PATJ: variants seen among roughly 807,000 people sequenced by gnomAD.
PATJ encodes PATJ crumbs cell polarity complex component, also known as inaD-like protein.
A neutral mutation model predicts 224.9 loss-of-function variants in PATJ; 190 were observed. The ratio of observed to expected loss-of-function variants is 0.84; its 90% CI spans 0.75 to 0.95. The LOEUF is 0.95. Among genes scored for constraint, PATJ ranks in the 40% least tolerant of loss-of-function variants. The pLI is 0.00. For missense variants in PATJ, 2,121 were observed against 2,270.3 expected (o/e 0.93, Z 1.34); for synonymous variants, 769 against 820.3 (o/e 0.94, Z 1.07).
intron 33 of PATJ, among the ~76,000 whole-genome samples, chr1:62,107,730 T>C (rs1663276922): frequency 6.6e-6 from 1 of 152,200 alleles, no homozygotes; most frequent in African/African-American, 2.4e-5. Flanking sequence ...TGATGATAAA[T>C]AATTTTTAAG....
At chr1:62,150,484 C>G (rs377044932) in intron 42 of PATJ, among the ~76,000 whole-genome samples, 2 of 151,836 alleles carry the variant, frequency 1.3e-5, no homozygotes, top group Non-Finnish European at 1.5e-5. Context: ...GTTGGAGAAG[C>G]TGATGCTTAA....
chr1:61,918,703 C>G (rs1673822542), intron 26 of PATJ, among the ~76,000 whole-genome samples: 1 of 152,154 alleles, frequency 6.6e-6, no homozygotes, highest in Non-Finnish European at 1.5e-5. Flanking sequence ...TGGCTCACTC[C>G]TGTAATCCCA....
At chr1:61,747,646 C>CACAA (rs1645090274) in intron 1 of PATJ, among the ~76,000 whole-genome samples, 1 of 152,100 alleles carries the variant, frequency 6.6e-6, no homozygotes, top group African/African-American at 2.4e-5. Context: ...TGCTCTTACT[C>CACAA]AGATAGTTAC....
chr1:61,816,270 C>A lies in PATJ; in HGVS notation c.1684-6675C>A, dbSNP rs1046124567. Reference sequence around the variant, plus strand: ...CGGTTCTTTGCTTTAAATATATTTTCTCCTATATTTCTAATAGTAACCTTA... The same window carrying A: ...CGGTTCTTTGCTTTAAATATATTTTATCCTATATTTCTAATAGTAACCTTA... On this transcript the variant is annotated intron_variant, in intron 14 of 43. Transcript: ENST00000642238. 3 of 152,104 alleles carry A rather than the reference C, an allele frequency of 2.0e-5. No homozygotes were observed. In the East Asian group the frequency reaches 5.8e-4, roughly 29 times the overall value. 9.4% of individuals were successfully genotyped at this position (152,104 alleles called of 1,614,324 possible).
intron 30 of PATJ, among the ~76,000 whole-genome samples, chr1:62,038,259 A>G (rs1476525615): frequency 2.6e-5 from 4 of 152,234 alleles, no homozygotes; most frequent in African/African-American, 9.6e-5. Flanking sequence ...TACCTTCCTC[A>G]AAGTTGCTCA....
At chr1:61,761,169 G>T (rs762971405) in intron 1 of PATJ, among the ~76,000 whole-genome samples, 1 of 152,022 alleles carries the variant, frequency 6.6e-6, no homozygotes, top group African/African-American at 2.4e-5. Context: ...TAGAGATGAG[G>T]TTTCACTTTG....
intron 22 of PATJ, among the ~76,000 whole-genome samples, chr1:61,899,023 A>T (rs1670757301): frequency 6.6e-6 from 1 of 152,034 alleles, no homozygotes; most frequent in Non-Finnish European, 1.5e-5. Context: ...AACTTGCTGG[A>T]TGAAAATATG....
chr1:61,753,984 A>G (rs1645478551), intron 1 of PATJ, among the ~76,000 whole-genome samples: 1 of 152,198 alleles, frequency 6.6e-6, no homozygotes, highest in African/African-American at 2.4e-5. Flanking sequence ...AAGCCACAAT[A>G]TTATAATAAT....
chr1:62,129,178 CT>C (rs1382267012), intron 41 of PATJ, among the ~76,000 whole-genome samples: 1 of 152,206 alleles, frequency 6.6e-6, no homozygotes, highest in African/African-American at 2.4e-5. Context: ...TTACTCTCTG[CT>C]TCACATGATA....
intron 34 of PATJ, 104 bp from the exon 35 acceptor site, chr1:62,113,949 A>T: frequency 8.4e-7 from 1 of 1,184,808 alleles, no homozygotes; most frequent in Non-Finnish European, 1.2e-6. Flanking sequence ...ATTGGCTGGA[A>T]ATTTCTAGAG....
At chr1:62,028,130 G>A (rs531483098) in intron 29 of PATJ, among the ~76,000 whole-genome samples, 7 of 152,188 alleles carry the variant, frequency 4.6e-5, no homozygotes, top group African/African-American at 1.7e-4. Flanking sequence ...CTTATATTAA[G>A]CCCTTGATTC....
At chr1:61,818,350 G>A (rs935126007) in intron 14 of PATJ, among the ~76,000 whole-genome samples, 8 of 152,154 alleles carry the variant, frequency 5.3e-5, no homozygotes, top group Admixed American at 2.0e-4. Context: ...CGTTGAATAA[G>A]CATCAAAAAG....
intron 33 of PATJ, among the ~76,000 whole-genome samples, chr1:62,085,189 G>A (rs1047180262): frequency 6.6e-6 from 1 of 152,114 alleles, no homozygotes; most frequent in African/African-American, 2.4e-5. Context: ...TTGAACCCAG[G>A]AGGTAGAGGC....
chr1:61,777,991 C>A (rs925466849), intron 7 of PATJ, among the ~76,000 whole-genome samples: 2 of 152,098 alleles, frequency 1.3e-5, no homozygotes, highest in East Asian at 1.9e-4. Flanking sequence ...GTGATCCCCC[C>A]ACCTCAGCTT....
intron 26 of PATJ, among the ~76,000 whole-genome samples, 153 bp from the exon 27 acceptor site, chr1:61,927,577 T>C (rs1675395729): frequency 6.6e-6 from 1 of 152,236 alleles, no homozygotes; most frequent in Non-Finnish European, 1.5e-5. Flanking sequence ...AAGCCTAAAA[T>C]AATACATTGT....
At chr1:61,834,746 T>G (rs1247859542) in intron 17 of PATJ, among the ~76,000 whole-genome samples, 1 of 152,194 alleles carries the variant, frequency 6.6e-6, no homozygotes, top group African/African-American at 2.4e-5. Flanking sequence ...ACGTTCTATT[T>G]TATTTATTTT....
chr1:61,788,005 C>G (rs1474712061), intron 8 of PATJ, 33 bp downstream of exon 8: 1 of 1,540,524 alleles, frequency 6.5e-7, no homozygotes, highest in South Asian at 1.1e-5. Context: ...CATCTTAAAC[C>G]AAAGCCTGGG....
intron 7 of PATJ, among the ~76,000 whole-genome samples, chr1:61,776,561 G>T (rs1323249649): frequency 6.6e-6 from 1 of 151,960 alleles, no homozygotes; most frequent in Non-Finnish European, 1.5e-5. Context: ...TTCGAATATT[G>T]TCAAAATGGG....
intron 1 of PATJ, among the ~76,000 whole-genome samples, chr1:61,750,548 G>A (rs892561691): frequency 2.7e-5 from 4 of 149,816 alleles, no homozygotes; most frequent in Non-Finnish European, 5.9e-5. Flanking sequence ...TGATTCTCCT[G>A]GTACTATTAC....
Sources: allele counts gnomAD v4.1 joint callset (sites outside exome capture counted in the v4.1 genomes callset), GRCh38; gene constraint gnomAD v4.1.1; transcripts MANE v1.5; gene names NCBI Gene and HGNC (gene_info 2026-07-23, HGNC 2026-07-21).